Variants in C4orf50 observed in about 807,000 individuals in gnomAD.
C4orf50 encodes chromosome 4 open reading frame 50, also known as uncharacterized protein C4orf50.
C4orf50 carries 80 observed loss-of-function variants against 77.2 expected under a neutral mutation model. The observed-to-expected ratio is 1.04, with a 90% confidence interval of 0.87 to 1.25. The LOEUF is 1.25. Among genes scored for constraint, C4orf50 ranks in the 50% most tolerant of loss-of-function variants. C4orf50 has a pLI of 0.00. For synonymous variants in C4orf50, 532 were observed against 465.3 expected (o/e 1.14, Z -1.84); for missense variants, 1,257 against 1,152.9 (o/e 1.09, Z -1.31).
intron 25 of C4orf50, among the ~76,000 whole-genome samples, chr4:5,997,753 G>A (rs1186208845): frequency 1.3e-5 from 2 of 152,174 alleles, no homozygotes; most frequent in Non-Finnish European, 2.9e-5. Flanking sequence ...ATTTTCCTAT[G>A]CATAGACATT....
chr4:5,930,838 C>T (rs578038923), intron 7 of C4orf50, among the ~76,000 whole-genome samples: 6 of 152,214 alleles, frequency 3.9e-5, no homozygotes, highest in Non-Finnish European at 7.3e-5. Flanking sequence ...GTCCATGATG[C>T]CCAGCATGGG....
At chr4:5,965,192 GAA>G in intron 32 of C4orf50, 47 bp from the exon 11 acceptor site, 1 of 1,590,952 alleles carries the variant, frequency 6.3e-7, no homozygotes, top group Non-Finnish European at 8.6e-7. Flanking sequence ...GAACCTAGGT[GAA>G]AAGTCTACAA....
At chr4:5,965,950 A>T (rs1323794358) in intron 32 of C4orf50, among the ~76,000 whole-genome samples, 1 of 152,204 alleles carries the variant, frequency 6.6e-6, no homozygotes, top group Non-Finnish European at 1.5e-5. Context: ...CTTGGTCTTA[A>T]AGGTAACACC....
At chr4:5,982,303 G>A (rs1442969882) in intron 28 of C4orf50, among the ~76,000 whole-genome samples, 1 of 152,144 alleles carries the variant, frequency 6.6e-6, no homozygotes, top group Non-Finnish European at 1.5e-5. Flanking sequence ...GTGCGGTGGG[G>A]GGTGGGCAGC....
intron 7 of C4orf50, among the ~76,000 whole-genome samples, chr4:5,951,198 C>T (rs1470838657): frequency 1.3e-5 from 2 of 152,208 alleles, no homozygotes; most frequent in South Asian, 2.1e-4. Flanking sequence ...ATGCCATGAG[C>T]GTCCTCTTTA....
chr4:5,937,182 T>C (rs936376528), intron 7 of C4orf50, among the ~76,000 whole-genome samples: 1 of 151,844 alleles, frequency 6.6e-6, no homozygotes, highest in Admixed American at 6.6e-5. Context: ...CTAAAGAAAC[T>C]GGTAAATCTA....
chr4:6,015,557 G>A lies in C4orf50; in HGVS notation c.287+2588C>T, dbSNP rs944164749. On this transcript the variant is annotated intron_variant, in intron 23 of 33. Transcript: ENST00000531445. The surrounding 1 kb of genome is among the most constrained non-coding windows in gnomAD (Gnocchi z 4.4). ...CCCAGCCAGGGCCACTGTCTATGTG[G>A]AGTTTGCCCATTCTCCCCATGTCTG... Among the ~76,000 whole-genome samples the A allele has an allele frequency of 1.3e-5, 2 of 152,124 alleles. No homozygotes were observed. Among genetic ancestry groups the A allele is most frequent in the African/African-American group, 4.8e-5 (2 of 41,426 alleles).
intron 7 of C4orf50, among the ~76,000 whole-genome samples, chr4:5,944,284 C>A (rs532142681): frequency 3.9e-5 from 6 of 152,162 alleles, no homozygotes; most frequent in Non-Finnish European, 7.3e-5. Context: ...TCCATGAAGG[C>A]TGGAGGCCCC....
At chr4:6,004,217 G>A (rs1207481423) in intron 25 of C4orf50, among the ~76,000 whole-genome samples, 1 of 108,398 alleles carries the variant, frequency 9.2e-6, no homozygotes, top group Non-Finnish European at 2.1e-5. Flanking sequence ...TGATGGTGAT[G>A]GTGATGATGT....
In C4orf50 at chr4:5,970,098, C is replaced by A. The variant is rs1258433250; in HGVS notation, c.4105-2636G>T. On this transcript the variant is annotated intron_variant, in intron 31 of 33. Coordinates refer to ENST00000531445, the Ensembl canonical transcript of C4orf50. This position sits in a 1 kb window ranked among gnomAD's most constrained non-coding sequence, Gnocchi z 4.3. Reference sequence around the variant, plus strand: ...AACTGAATACAAACAGCAAAGGTGTCTCATTTCATGCTTGTGAATATCAAC... The same window carrying A: ...AACTGAATACAAACAGCAAAGGTGTATCATTTCATGCTTGTGAATATCAAC... Among the ~76,000 whole-genome samples, 1 of 151,434 alleles carries A rather than the reference C, an allele frequency of 6.6e-6. No homozygotes were observed.
chr4:5,989,651 A>G, exon 28 of C4orf50: 2 of 1,536,094 alleles, frequency 1.3e-6, no homozygotes. Context: ...GTGAGTGCAC[A>G]CCTGTTGTGT....
At chr4:5,941,876 T>C (rs1432924385) in intron 7 of C4orf50, among the ~76,000 whole-genome samples, 1 of 152,218 alleles carries the variant, frequency 6.6e-6, no homozygotes, top group Non-Finnish European at 1.5e-5. Context: ...AGGTACTCCT[T>C]GGGGCGGTAG....
At position 6,015,658 on chromosome 4, in the gene C4orf50, GGAATCAGTCTTCCTGAGCTAGTCGA is replaced by G. The variant is rs1179866779; in HGVS notation, c.287+2462_287+2486del. Among the ~76,000 whole-genome samples, 1 of 152,088 alleles carries G rather than the reference GGAATCAGTCTTCCTGAGCTAGTCGA, an allele frequency of 6.6e-6. No homozygotes were observed. Among genetic ancestry groups the G allele is most frequent in the Non-Finnish European group, 1.5e-5 (1 of 68,014 alleles). On this transcript the variant is annotated intron_variant, in intron 23 of 33. Coordinates refer to ENST00000531445, the Ensembl canonical transcript of C4orf50. This position sits in a 1 kb window ranked among gnomAD's most constrained non-coding sequence, Gnocchi z 4.4. ...ACCACAAGCTTGGCGGCCAGAAGTCGGAATCAGTCTTCCTGAGCTAGTCGAGCTGTCAGTGGAGCCAAGCCCTCTC... is the reference window on the plus strand; with the variant it reads ...ACCACAAGCTTGGCGGCCAGAAGTCGGCTGTCAGTGGAGCCAAGCCCTCTC...
intron 7 of C4orf50, among the ~76,000 whole-genome samples, chr4:5,947,071 A>G (rs1718511699): frequency 6.6e-6 from 1 of 152,062 alleles, no homozygotes; most frequent in African/African-American, 2.4e-5. Flanking sequence ...CCACCGACTC[A>G]CTCATGGAAC....
chr4:6,004,187 G>T (rs879038470), intron 25 of C4orf50, among the ~76,000 whole-genome samples: 1 of 151,228 alleles, frequency 6.6e-6, no homozygotes. Flanking sequence ...TGATGGTGAT[G>T]GTGATGATGG....
chr4:6,004,359 G>A (rs1431268996), intron 25 of C4orf50, among the ~76,000 whole-genome samples: 1 of 119,412 alleles, frequency 8.4e-6, no homozygotes, highest in Non-Finnish European at 1.7e-5. Context: ...TGACGGTGAT[G>A]GTGATGATGG....
At chr4:5,930,782 C>T (rs984463702) in intron 7 of C4orf50, among the ~76,000 whole-genome samples, 7 of 152,334 alleles carry the variant, frequency 4.6e-5, no homozygotes, top group East Asian at 1.9e-4. Flanking sequence ...CCTGGGAGCA[C>T]GTGAGCACCA....
rs558528931 is a variant in C4orf50 at position 6,000,627 on chromosome 4, G to A, written c.964-6151C>T. On this transcript the variant is annotated intron_variant, in intron 25 of 33. Coordinates refer to ENST00000531445, the Ensembl canonical transcript of C4orf50. This position sits in a 1 kb window ranked among gnomAD's most constrained non-coding sequence, Gnocchi z 6.0. ...GGGCTCATTTCCTTGCCTTTCCTCTGCCCCTACCTCCTTCACCCAATCTGT... is the reference window on the plus strand; with the variant it reads ...GGGCTCATTTCCTTGCCTTTCCTCTACCCCTACCTCCTTCACCCAATCTGT... Among the ~76,000 whole-genome samples the A allele has an allele frequency of 5.9e-5, 9 of 152,142 alleles. No individual in the cohort carries two copies. The East Asian group carries it at 1.5e-3, about 26-fold the overall frequency.
At chr4:6,003,925 A>T (rs1577991149) in intron 25 of C4orf50, among the ~76,000 whole-genome samples, 3 of 35,532 alleles carry the variant, frequency 8.4e-5, no homozygotes, top group East Asian at 1.8e-3. Flanking sequence ...GATGGTGGTG[A>T]TGGTGATGAT....
Sources: allele counts gnomAD v4.1 joint callset (sites outside exome capture counted in the v4.1 genomes callset), GRCh38; gene constraint gnomAD v4.1.1; non-coding constraint Gnocchi (gnomAD v3.1); transcripts MANE v1.5; gene names NCBI Gene and HGNC (gene_info 2026-07-23, HGNC 2026-07-21).